Variants in PDE10A observed in about 807,000 individuals in gnomAD.
PDE10A encodes phosphodiesterase 10A, also known as cAMP and cAMP-inhibited cGMP 3',5'-cyclic phosphodiesterase 10A.
PDE10A carries 39 observed loss-of-function variants against 97.7 expected under a neutral mutation model. That is an observed-to-expected ratio of 0.40 (90% CI 0.31 to 0.52). The LOEUF is 0.52. Among genes scored for constraint, PDE10A ranks in the 20% least tolerant of loss-of-function variants. PDE10A has a pLI of 0.56. For missense variants in PDE10A, 731 were observed against 1,047.8 expected, an observed-to-expected ratio of 0.70 and a Z score of 4.17; for synonymous variants, 371 against 376.8, an observed-to-expected ratio of 0.98 and a Z score of 0.18.
Position 165,524,798 on chromosome 6 carries a change from G to A in PDE10A, c.994+18642C>T, listed in dbSNP as rs139318442. 2.6e-4 allele frequency among the ~76,000 whole-genome samples: 39 copies of A among 152,284 alleles called. No individual in the cohort carries two copies. The East Asian group carries it at 7.3e-3, about 29-fold the overall frequency. On this transcript the variant is annotated intron_variant, in intron 2 of 21. Transcript: ENST00000539869. Reference sequence around the variant, plus strand: ...GCCAGGTGTCTGCTGTTAAAGTGAGGGCATTGATTGGAAAAGAATGGGACC... The same window carrying A: ...GCCAGGTGTCTGCTGTTAAAGTGAGAGCATTGATTGGAAAAGAATGGGACC...
intron 11 of PDE10A, 127 bp from the exon 12 acceptor site, chr6:165,416,408 A>G (rs1350953987): frequency 3.0e-6 from 2 of 674,124 alleles, no homozygotes; most frequent in Non-Finnish European, 5.2e-6. Context: ...TATTACTTTT[A>G]CGTTTACATA....
intron 10 of PDE10A, among the ~76,000 whole-genome samples, chr6:165,424,514 T>G (rs1788975800): frequency 6.6e-6 from 1 of 152,162 alleles, no homozygotes; most frequent in East Asian, 1.9e-4. Context: ...TAATGGGGTC[T>G]TAGCTGATTT....
chr6:165,518,258 GA>G (rs1781931357), intron 2 of PDE10A, among the ~76,000 whole-genome samples: 1 of 152,196 alleles, frequency 6.6e-6, no homozygotes, highest in Admixed American at 6.5e-5. Context: ...GTCAAATGAA[GA>G]GTAATCTTTA....
intron 1 of PDE10A, among the ~76,000 whole-genome samples, chr6:165,958,995 G>A (rs1275960202): frequency 6.6e-6 from 1 of 152,204 alleles, no homozygotes; most frequent in Non-Finnish European, 1.5e-5. Context: ...AGGAAAGGCA[G>A]AAAGTGCACA....
chr6:165,360,886 C>T (rs1288854176), intron 18 of PDE10A, among the ~76,000 whole-genome samples: 1 of 152,040 alleles, frequency 6.6e-6, no homozygotes, highest in Non-Finnish European at 1.5e-5. Flanking sequence ...GTGGGTACAC[C>T]AATGCTGTCC....
chr6:165,403,120 C>G (rs767220847), intron 13 of PDE10A, among the ~76,000 whole-genome samples: 1 of 152,160 alleles, frequency 6.6e-6, no homozygotes, highest in East Asian at 1.9e-4. Context: ...ATGTAACGTT[C>G]AATGGAATAA....
chr6:165,800,300 T>C (rs1254988267), intron 1 of PDE10A, among the ~76,000 whole-genome samples: 2 of 152,134 alleles, frequency 1.3e-5, no homozygotes, highest in Non-Finnish European at 2.9e-5. Context: ...TAAAGGGGCA[T>C]TTTATGTCTC....
At chr6:165,703,461 T>C (rs1267893488) in intron 1 of PDE10A, among the ~76,000 whole-genome samples, 1 of 152,260 alleles carries the variant, frequency 6.6e-6, no homozygotes, top group African/African-American at 2.4e-5. Context: ...TCACACTTGC[T>C]GCTAATGTAC....
intron 1 of PDE10A, among the ~76,000 whole-genome samples, chr6:165,748,847 T>C (rs2934849): frequency 0.7 from 106,061 of 151,874 alleles, 38,050 homozygotes; most frequent in African/African-American, 0.88. Flanking sequence ...TTCACTCTCC[T>C]GTGAAGAGAC....
chr6:165,546,714 T>C (rs941584896), intron 1 of PDE10A, among the ~76,000 whole-genome samples: 1 of 152,102 alleles, frequency 6.6e-6, no homozygotes, highest in Non-Finnish European at 1.5e-5. Flanking sequence ...GGGGACAAGA[T>C]TTCTCAATGG....
chr6:165,551,376 A>G (rs1214646247), intron 1 of PDE10A, among the ~76,000 whole-genome samples: 1 of 152,206 alleles, frequency 6.6e-6, no homozygotes, highest in Non-Finnish European at 1.5e-5. Flanking sequence ...GCATTTGTTA[A>G]TAACTGTTGG....
At position 165,646,583 on chromosome 6, in the gene PDE10A, G is replaced by A. The variant is rs367920176; in HGVS notation, c.865+15364C>T. ...TTCTCATGACCCCTTCATTCAGCAC[G>A]CGCTCAGTGATTCCTGCAGGGCACT... On this transcript the variant is annotated intron_variant, in intron 1 of 21. Transcript: ENST00000539869. Among the ~76,000 whole-genome samples, 35 of 152,250 alleles carry A rather than the reference G, an allele frequency of 2.3e-4. No homozygotes were observed. The East Asian group carries it at 5.2e-3, about 23-fold the overall frequency.
chr6:165,427,317 A>C (rs999191293), intron 10 of PDE10A, among the ~76,000 whole-genome samples: 104 of 152,290 alleles, frequency 6.8e-4, no homozygotes, highest in African/African-American at 2.5e-3. Context: ...ACCCATGCAT[A>C]ATATGTATGA....
intron 1 of PDE10A, among the ~76,000 whole-genome samples, chr6:165,619,399 G>GTAGTGTAGTCTAGTC (rs1787949053): frequency 1.8e-5 from 1 of 55,700 alleles, no homozygotes; most frequent in Non-Finnish European, 3.7e-5. Flanking sequence ...ATAGTGTAGT[G>GTAGTGTAGTCTAGTC]TAGTGTAGTC....
At chr6:165,396,275 T>C (rs1284286278) in intron 14 of PDE10A, 42 bp downstream of exon 14, 4 of 1,587,446 alleles carry the variant, frequency 2.5e-6, no homozygotes, top group Non-Finnish European at 8.6e-7. Context: ...TCAATTCAAT[T>C]AAAAATGGTT....
At chr6:165,889,582 A>G (rs1234048876) in intron 1 of PDE10A, among the ~76,000 whole-genome samples, 1 of 152,164 alleles carries the variant, frequency 6.6e-6, no homozygotes, top group East Asian at 1.9e-4. Flanking sequence ...AGCTCCATCC[A>G]GGCACACGTT....
chr6:165,831,471 C>T (rs1371423471), intron 1 of PDE10A, among the ~76,000 whole-genome samples: 1 of 103,042 alleles, frequency 9.7e-6, no homozygotes, highest in East Asian at 3.2e-4. Context: ...TGAAAAATTG[C>T]AGGAGTCTTT....
chr6:165,448,709 A>C (rs915292329), intron 5 of PDE10A, among the ~76,000 whole-genome samples: 11 of 147,400 alleles, frequency 7.5e-5, no homozygotes, highest in African/African-American at 2.5e-4. Context: ...AGCCAAAGGA[A>C]ACACACACAC....
In PDE10A at chr6:165,738,098, G is replaced by A. The variant is rs539467578; in HGVS notation, c.-614-194530C>T. ...ACATACGTATACATGTGCCATGCTGGTGTGCTGCACCCACTAACTCGTCAT... is the reference window on the plus strand; with the variant it reads ...ACATACGTATACATGTGCCATGCTGATGTGCTGCACCCACTAACTCGTCAT... On this transcript the variant is annotated intron_variant, in intron 1 of 19. Transcript: ENST00000366882. Among the ~76,000 whole-genome samples, 159 of 151,338 alleles carry A rather than the reference G, an allele frequency of 1.1e-3. 3 individuals carry two copies. In the South Asian group the frequency reaches 0.033, roughly 31 times the overall value.
Sources: allele counts gnomAD v4.1 joint callset (sites outside exome capture counted in the v4.1 genomes callset), GRCh38; gene constraint gnomAD v4.1.1; transcripts MANE v1.5; gene names NCBI Gene and HGNC (gene_info 2026-07-23, HGNC 2026-07-21).